DIPK2A: variants seen among roughly 807,000 people sequenced by gnomAD.
DIPK2A encodes the protein divergent protein kinase domain 2A, also known as Golgi Protein of 49 kDa.
DIPK2A carries 27 observed loss-of-function variants against 39.0 expected under a neutral mutation model. The observed-to-expected ratio is 0.69, with a 90% CI of 0.51 to 0.96. The LOEUF (loss-of-function observed/expected upper bound fraction) is 0.96. Among genes scored for constraint, DIPK2A ranks in the 40% least tolerant of loss-of-function variants. DIPK2A has a pLI of 0.00. For synonymous variants in DIPK2A, 298 were observed against 240.8 expected, an observed-to-expected ratio of 1.24 and a Z score of -2.20; for missense variants, 528 against 571.3, an observed-to-expected ratio of 0.92 and a Z score of 0.77.
intron 1 of DIPK2A, chr3:143,978,669 GATAT>G (rs1220294150): frequency 3.0e-5 from 1 of 32,826 alleles, no homozygotes; most frequent in Admixed American, 3.7e-4. Flanking sequence ...TCTATATATA[GATAT>G]ATATATATCT....
At chr3:143,985,913 T>A in intron 2 of DIPK2A, 67 bp downstream of exon 2, 5 of 1,321,948 alleles carry the variant, frequency 3.8e-6, no homozygotes, top group Non-Finnish European at 4.1e-6. Flanking sequence ...TTTATACTTG[T>A]ATGAAATGAG....
intron 2 of DIPK2A, chr3:143,986,091 A>C: frequency 2.2e-6 from 1 of 457,118 alleles, no homozygotes; most frequent in South Asian, 3.0e-5. Context: ...CCTACGGGAC[A>C]TCATAGCTTA....
At chr3:143,986,261 G>T in intron 2 of DIPK2A, 1 of 158,302 alleles carries the variant, frequency 6.3e-6, no homozygotes, top group South Asian at 1.9e-4. Flanking sequence ...TGGTTGTATG[G>T]GTTCTTGAAA....
chr3:143,981,982 T>A (rs2087834221), intron 1 of DIPK2A, among the ~76,000 whole-genome samples: 1 of 152,220 alleles, frequency 6.6e-6, no homozygotes, highest in Non-Finnish European at 1.5e-5. Context: ...AATATTTGAT[T>A]TTGATCTAGG....
Position 143,989,613 on chromosome 3 carries a change from T to C in DIPK2A, c.1065T>C (p.Thr355=), listed in dbSNP as rs1292822183. The change falls in exon 3 of 3, where the codon ACT becomes ACC. Residue 355 remains threonine, a synonymous_variant. Transcript: ENST00000315691. The stretch of plus-strand genomic sequence containing the variant: ...AAGAAATTCTTTGTGCTCGTGCCAC[T>C]GTGGACCACAATTACTATGCTGTTT... ...FSKEILCARA[T]VDHNYYAVCQ... 1.2e-6 allele frequency: 2 copies of C among 1,614,114 alleles called. No individual in the cohort carries two copies. The highest frequency in any genetic ancestry group is 1.7e-6 in the Non-Finnish European group (2 of 1,180,040).
intron 1 of DIPK2A, among the ~76,000 whole-genome samples, chr3:143,974,214 T>C (rs901549593): frequency 6.6e-6 from 1 of 152,200 alleles, no homozygotes; most frequent in African/African-American, 2.4e-5. Flanking sequence ...CTGCCCATTT[T>C]AGCTTTAAAA....
Position 143,973,094 on chromosome 3 carries a change from C to T in DIPK2A, c.657+105C>T, listed in dbSNP as rs1014355863. On this transcript the variant is annotated intron_variant, in intron 1 of 2. Coordinates refer to ENST00000315691, the MANE Select transcript of DIPK2A (RefSeq NM_173552.5). ...GCGCTTGCCGCCAGTTCGGACTCGGCCGGGCTGGGCCAGGCTGCAGGCGTG... is the reference window on the plus strand; with the variant it reads ...GCGCTTGCCGCCAGTTCGGACTCGGTCGGGCTGGGCCAGGCTGCAGGCGTG... The T allele has an allele frequency of 3.6e-6, 5 of 1,407,438 alleles. No individual in the cohort carries two copies. The African/African-American group carries it at 7.1e-5, about 20-fold the overall frequency. The allele number at this position is 1,407,438 out of a possible 1,614,324, so 87.2% of individuals were successfully genotyped here.
intron 1 of DIPK2A, among the ~76,000 whole-genome samples, chr3:143,984,537 G>A (rs2087871374): frequency 6.6e-6 from 1 of 151,616 alleles, no homozygotes. Flanking sequence ...ATGGCTAGTT[G>A]GTGGAGCAGT....
Position 143,972,707 on chromosome 3 carries a change from C to T in DIPK2A, c.375C>T (p.Ile125=), listed in dbSNP as rs768693814. 1 of 1,603,400 alleles carries T rather than the reference C, an allele frequency of 6.2e-7. No individual in the cohort carries two copies. The highest frequency in any genetic ancestry group is 1.3e-5 in the African/African-American group (1 of 74,672). ...AGCTGGCGCAGCTCGACCAGAGCAT[C>T]TGCAAGCGGGCCACCGGCCGGCCCC... ...QRELAQLDQS[I]CKRATGRPRC... Residue 125 remains isoleucine (I), a synonymous_variant, in exon 1 of 3, where the codon ATC becomes ATT. Transcript: ENST00000315691.
At chr3:143,980,630 CT>C (rs35995293) in intron 1 of DIPK2A, among the ~76,000 whole-genome samples, 50,894 of 147,076 alleles carry the variant, frequency 0.35, 8,621 homozygotes, top group African/African-American at 0.4. Context: ...CAAGCTTAAA[CT>C]TTTTTTTTTT....
At chr3:143,987,537 CT>C (rs2087921017) in intron 2 of DIPK2A, among the ~76,000 whole-genome samples, 2 of 152,060 alleles carry the variant, frequency 1.3e-5, no homozygotes, top group South Asian at 2.1e-4. Context: ...AGTAAATGAC[CT>C]TTATTTTATT....
intron 1 of DIPK2A, among the ~76,000 whole-genome samples, chr3:143,974,058 A>G (rs954272658): frequency 6.6e-6 from 1 of 152,074 alleles, no homozygotes; most frequent in East Asian, 1.9e-4. Flanking sequence ...AAAGTTCACA[A>G]GTAATTTTGG....
chr3:143,981,326 T>C (rs1356146006), intron 1 of DIPK2A, among the ~76,000 whole-genome samples: 1 of 152,222 alleles, frequency 6.6e-6, no homozygotes, highest in Non-Finnish European at 1.5e-5. Flanking sequence ...AGATTTCTGT[T>C]TGATTCTATA....
At chr3:143,986,871 T>A (rs1165578779) in intron 2 of DIPK2A, among the ~76,000 whole-genome samples, 1 of 132,560 alleles carries the variant, frequency 7.5e-6, no homozygotes, top group Non-Finnish European at 1.7e-5. Context: ...TATTTTTTAA[T>A]CCCCTCTTTC....
intron 1 of DIPK2A, among the ~76,000 whole-genome samples, chr3:143,974,450 T>A (rs2087702496): frequency 6.6e-6 from 1 of 152,212 alleles, no homozygotes; most frequent in South Asian, 2.1e-4. Context: ...ATTCAGTAGT[T>A]CCCAAACTAG....
chr3:143,985,311 A>T (rs1246995754), intron 1 of DIPK2A, among the ~76,000 whole-genome samples: 1 of 152,196 alleles, frequency 6.6e-6, no homozygotes, highest in Non-Finnish European at 1.5e-5. Context: ...GATAAGCAAG[A>T]CTTGTCATCC....
At chr3:143,976,992 A>C (rs1266052088) in intron 1 of DIPK2A, among the ~76,000 whole-genome samples, 2 of 152,192 alleles carry the variant, frequency 1.3e-5, no homozygotes, top group South Asian at 4.1e-4. Flanking sequence ...ATCACCTTAA[A>C]AATAATGGTG....
chr3:143,991,153 A>T lies in DIPK2A; in HGVS notation c.*1312A>T, dbSNP rs573926856. On this transcript the variant is annotated 3_prime_UTR_variant, in exon 3 of 3. Transcript: ENST00000315691. ...TATAAGTTGACTATCACTAACAGGT[A>T]ATATTTTTCTGTTTGAAGTTGTTAC... 3 of 141,622 alleles carry T rather than the reference A, an allele frequency of 2.1e-5. No individual in the cohort carries two copies. In the South Asian group the frequency reaches 6.7e-4, roughly 32 times the overall value. 8.8% of individuals were successfully genotyped at this position (141,622 alleles called of 1,614,324 possible). A position where few individuals can be genotyped will look rare whatever the true frequency, so the allele number is the denominator to read the frequency against.
At chr3:143,973,163 C>A in intron 1 of DIPK2A, 174 bp downstream of exon 1, 2 of 1,051,718 alleles carry the variant, frequency 1.9e-6, no homozygotes, top group Non-Finnish European at 2.8e-6. Context: ...TGCAGGGAGG[C>A]CGAGGGCGAC....
Sources: allele counts gnomAD v4.1 joint callset (sites outside exome capture counted in the v4.1 genomes callset), GRCh38; gene constraint gnomAD v4.1.1; transcripts MANE v1.5; gene names NCBI Gene and HGNC (gene_info 2026-07-23, HGNC 2026-07-21).